POLB: variants seen among roughly 807,000 people sequenced by gnomAD.
The protein encoded by POLB is DNA polymerase beta.
A neutral mutation model predicts 52.7 loss-of-function variants in POLB; 37 were observed. The ratio of observed to expected loss-of-function variants is 0.70; its 90% CI spans 0.54 to 0.92. The LOEUF is 0.92. Ranked by LOEUF, POLB falls within the 40% of genes least tolerant of loss-of-function variation. POLB has a pLI of 0.00. For synonymous variants in POLB, 138 were observed against 131.3 expected, an observed-to-expected ratio of 1.05 and a Z score of -0.35; for missense variants, 313 against 400.8, an observed-to-expected ratio of 0.78 and a Z score of 1.87.
chr8:42,347,741 A>G (rs1359699113), intron 3 of POLB, among the ~76,000 whole-genome samples: 1 of 152,158 alleles, frequency 6.6e-6, no homozygotes, highest in East Asian at 1.9e-4. Context: ...TTTCTAATCT[A>G]TTCTGCTTCC....
intron 2 of POLB, chr8:42,342,083 T>C: frequency 9.5e-7 from 1 of 1,057,414 alleles, no homozygotes; most frequent in South Asian, 1.2e-5. Context: ...TGCATTGAAT[T>C]CCTTGCTTTC....
In POLB at chr8:42,347,447, T is replaced by C. The variant is rs573325324; in HGVS notation, c.187-1569T>C. Among the ~76,000 whole-genome samples, 8 of 151,256 alleles carry C rather than the reference T, an allele frequency of 5.3e-5. No homozygotes were observed. In the South Asian group the frequency reaches 1.7e-3, roughly 32 times the overall value. ...ATTACTCCTCAGTAATTCTAGAAAT[T>C]ATTCTAGATTATCTAATCTATTCCT... On this transcript the variant is annotated intron_variant, in intron 3 of 13. Coordinates refer to ENST00000265421, the MANE Select transcript of POLB (RefSeq NM_002690.3).
chr8:42,369,298 G>A lies in POLB; in HGVS notation c.736G>A (p.Asp246Asn). ...MGVCQLPSKN[D>N]EKEYPHRRID... ...TGTTTGCCAGCTTCCCAGTAAAAAT[G>A]ATGAAAAAGAATATCCACACAGAAG... Residue 246 changes from aspartate to asparagine, a missense_variant, in exon 12 of 14, where the codon GAT becomes AAT. By Grantham distance (23) the Asp-to-Asn change is conservative. Around this residue, in one of 3 missense-constraint regions of POLB, gnomAD observed 246 missense variants for 297.6 expected, o/e 0.83. Transcript: ENST00000265421. 1 of 1,592,772 alleles carries A rather than the reference G, an allele frequency of 6.3e-7. No homozygotes were observed. Among genetic ancestry groups the A allele is most frequent in the Non-Finnish European group, 8.6e-7 (1 of 1,161,990 alleles).
chr8:42,343,725 A>G (rs1425908825), intron 2 of POLB, among the ~76,000 whole-genome samples: 1 of 152,210 alleles, frequency 6.6e-6, no homozygotes, highest in Non-Finnish European at 1.5e-5. Flanking sequence ...TCACTTTGTT[A>G]CTCAGCACAA....
intron 11 of POLB, among the ~76,000 whole-genome samples, chr8:42,363,473 A>G (rs956634221): frequency 7.2e-6 from 1 of 139,158 alleles, no homozygotes; most frequent in Non-Finnish European, 1.5e-5. Flanking sequence ...GGTTGCACTG[A>G]GCCGAGATCG....
chr8:42,364,603 A>G (rs1421139200), intron 11 of POLB, among the ~76,000 whole-genome samples: 1 of 152,004 alleles, frequency 6.6e-6, no homozygotes, highest in African/African-American at 2.4e-5. Flanking sequence ...TCAACACCCC[A>G]CTTTTCCCGG....
chr8:42,366,274 T>C (rs984317071), intron 11 of POLB, among the ~76,000 whole-genome samples: 5 of 152,194 alleles, frequency 3.3e-5, no homozygotes, highest in African/African-American at 1.2e-4. Flanking sequence ...GGATAGACCC[T>C]ATCTTGACTT....
chr8:42,363,490 T>C (rs1029317204), intron 11 of POLB, among the ~76,000 whole-genome samples: 35 of 124,254 alleles, frequency 2.8e-4, no homozygotes, highest in Non-Finnish European at 4.6e-4. Context: ...ATCGCACCAC[T>C]GCACTCCAGC....
In POLB at chr8:42,362,620, G is replaced by A; in HGVS notation, c.630G>A (p.Leu210=). Residue 210 remains leucine, a synonymous_variant, in exon 11 of 14, where the codon CTG becomes CTA. Coordinates refer to ENST00000265421, the MANE Select transcript of POLB (RefSeq NM_002690.3). ...FTSESTKQPK[L]LHQVVEQLQK... Reference sequence around the variant, plus strand: ...TAATTATGATTCTACAGCCAAAACTGTTACATCAGGTTGTGGAGCAGTTAC... The same window carrying A: ...TAATTATGATTCTACAGCCAAAACTATTACATCAGGTTGTGGAGCAGTTAC... 1 of 1,601,784 alleles carries A rather than the reference G, an allele frequency of 6.2e-7. No individual in the cohort carries two copies. The highest frequency in any genetic ancestry group is 8.6e-7 in the Non-Finnish European group (1 of 1,169,220).
rs771780389 is a variant in POLB, at chr8:42,338,703, C to A, written c.61+18C>A. ...GCTCACAGGTTAGCACCGGGCCGGG[C>A]CCCGCTGGCTTTCTTCTTTCCTTCC... On this transcript the variant is annotated intron_variant, in intron 1 of 13. Transcript: ENST00000265421. The A allele has an allele frequency of 2.5e-5, 40 of 1,611,352 alleles. No individual in the cohort carries two copies. The South Asian group carries it at 4.3e-4, about 17-fold the overall frequency.
At chr8:42,343,870 G>C (rs994241616) in intron 2 of POLB, among the ~76,000 whole-genome samples, 1 of 151,716 alleles carries the variant, frequency 6.6e-6, no homozygotes, top group Admixed American at 6.6e-5. Context: ...GGTGGCTCAC[G>C]CCTGTAACCC....
chr8:42,344,489 G>A (rs947054628), intron 2 of POLB, among the ~76,000 whole-genome samples: 5 of 149,954 alleles, frequency 3.3e-5, no homozygotes, highest in African/African-American at 1.2e-4. Flanking sequence ...AAAAAAGTTA[G>A]ACATATATTA....
chr8:42,341,703 T>A lies in POLB; in HGVS notation c.119+2634T>A, dbSNP rs180898140. ...TATGCTGAACTGCAGTGGGAACAAT[T>A]TTTTTTTTCTGTCCATAAGTTTATT... On this transcript the variant is annotated intron_variant, in intron 2 of 13. Transcript: ENST00000265421. 2.9e-3 allele frequency: 816 copies of A among 283,478 alleles called. 14 individuals are homozygous for A. Among genetic ancestry groups the A allele is most frequent in the African/African-American group, 0.017 (761 of 44,566 alleles). 17.6% of individuals were successfully genotyped at this position (283,478 alleles called of 1,614,324 possible).
chr8:42,341,539 A>G (rs1349714036), intron 2 of POLB, among the ~76,000 whole-genome samples: 1 of 152,244 alleles, frequency 6.6e-6, no homozygotes, highest in East Asian at 1.9e-4. Context: ...ACTTCTCATC[A>G]GCATCAACTC....
intron 7 of POLB, 68 bp downstream of exon 7, chr8:42,355,635 A>G (rs1205943286): frequency 1.1e-6 from 1 of 918,528 alleles, no homozygotes; most frequent in East Asian, 2.4e-5. Flanking sequence ...ATTCTTTTAT[A>G]CACCAGAAGG....
chr8:42,343,949 T>G (rs1822423912), intron 2 of POLB, among the ~76,000 whole-genome samples: 1 of 150,038 alleles, frequency 6.7e-6, no homozygotes, highest in Non-Finnish European at 1.5e-5. Context: ...GCCAACATGG[T>G]GAAACCCTGT....
intron 9 of POLB, chr8:42,357,990 GC>G (rs1823431630): frequency 6.6e-6 from 1 of 152,132 alleles, no homozygotes; most frequent in Non-Finnish European, 1.5e-5. Context: ...CTCCCAAAGT[GC>G]TGGGATTACA....
chr8:42,357,739 T>C (rs1378548500), intron 9 of POLB: 1 of 185,964 alleles, frequency 5.4e-6, no homozygotes, highest in East Asian at 1.5e-4. Context: ...TTTTTTTTTT[T>C]TTTTTTGAGA....
intron 11 of POLB, among the ~76,000 whole-genome samples, chr8:42,365,364 A>T (rs1425456436): frequency 2.0e-5 from 3 of 152,244 alleles, no homozygotes; most frequent in Non-Finnish European, 4.4e-5. Context: ...CCAAAAGTAT[A>T]TACATACATG....
Sources: allele counts gnomAD v4.1 joint callset (sites outside exome capture counted in the v4.1 genomes callset), GRCh38; gene constraint gnomAD v4.1.1; regional missense constraint gnomAD v4.1.1; transcripts MANE v1.5; gene names NCBI Gene and HGNC (gene_info 2026-07-23, HGNC 2026-07-21).